The following NUTM2B variants were observed in gnomAD, a reference collection of about 807,000 sequenced individuals.
NUTM2B encodes family with sequence similarity 22, member B.
In NUTM2B, 2 loss-of-function variants were observed where a neutral mutation model predicts 42.4. That is an observed-to-expected ratio of 0.05 (90% confidence interval 0.02 to 0.15). NUTM2B has a LOEUF of 0.15. Among genes scored for constraint, NUTM2B ranks in the 10% least tolerant of loss-of-function variants. NUTM2B has a pLI of 1.00. For synonymous variants in NUTM2B, 18 were observed against 402.4 expected (o/e 0.04, Z 11.43); for missense variants, 58 against 952.6 (o/e 0.06, Z 12.36).
upstream of NUTM2B, among the ~76,000 whole-genome samples, chr10:79,699,807 A>G (rs553553516): frequency 8.8e-3 from 1,338 of 152,266 alleles, 5 homozygotes; most frequent in Middle Eastern, 0.02. Context: ...ATGTGAATAC[A>G]TATTAGATTC....
At chr10:79,692,393 A>G in the NUTM2B span, among the ~76,000 whole-genome samples, 2 of 152,126 alleles carry the variant, frequency 1.3e-5, no homozygotes, top group African/African-American at 4.8e-5. Context: ...AGAGAGGTTA[A>G]AATACTTGCC....
the NUTM2B span, among the ~76,000 whole-genome samples, chr10:79,696,366 C>A: frequency 6.6e-6 from 1 of 152,016 alleles, no homozygotes; most frequent in Admixed American, 6.5e-5. Flanking sequence ...AGCACAGCCA[C>A]ATCCTTTCAT....
the NUTM2B span, among the ~76,000 whole-genome samples, chr10:79,692,454 C>T: frequency 6.6e-6 from 1 of 152,192 alleles, no homozygotes; most frequent in African/African-American, 2.4e-5. Context: ...TTTGAGCCAG[C>T]AGTCTGGCTC....
rs1840375593 is a variant in NUTM2B at position 79,705,618 on chromosome 10, T to G, written c.383-424T>G. Among the ~76,000 whole-genome samples, 4 of 145,968 alleles carry G rather than the reference T, an allele frequency of 2.7e-5. No individual in the cohort carries two copies. In the South Asian group the frequency reaches 9.7e-4, roughly 35 times the overall value. ...AGATGGGGCCATAATATTCGGAAGC[T>G]TCTGGCTTCCTGTCGGCCTTCTGAG... On this transcript the variant is annotated intron_variant, in intron 1 of 6. Transcript: ENST00000429828.
chr10:79,699,906 C>T (rs1165417957), upstream of NUTM2B, among the ~76,000 whole-genome samples: 2 of 152,226 alleles, frequency 1.3e-5, no homozygotes, highest in Non-Finnish European at 2.9e-5. Context: ...AAATCTCACA[C>T]CCTCCAAAAT....
At chr10:79,692,229 G>A in the NUTM2B span, among the ~76,000 whole-genome samples, 2 of 152,192 alleles carry the variant, frequency 1.3e-5, no homozygotes, top group Admixed American at 1.3e-4. Context: ...TGTTCCGTAT[G>A]GACTAGTAAT....
chr10:79,701,469 T>A (rs1454661589), upstream of NUTM2B, among the ~76,000 whole-genome samples: 3 of 152,166 alleles, frequency 2.0e-5, no homozygotes, highest in African/African-American at 7.2e-5. Flanking sequence ...GAAGAAACTT[T>A]AATCGTCACA....
chr10:79,711,576 CTT>C lies in NUTM2B; in HGVS notation c.1852-122_1852-121del, dbSNP rs1840497141. 6 of 976,670 alleles carry C rather than the reference CTT, an allele frequency of 6.1e-6. No homozygotes were observed. The East Asian group carries it at 1.1e-4, about 17-fold the overall frequency. 60.5% of individuals were successfully genotyped at this position (976,670 alleles called of 1,614,324 possible). A position where few individuals can be genotyped will look rare whatever the true frequency, so the allele number is the denominator to read the frequency against. ...GGCCCGGCAGAGCCACACCCTCTCT[CTT>C]TGACATAAAGCCCAGCTGCCTCAGG... On this transcript the variant is annotated intron_variant, in intron 6 of 6. Transcript: ENST00000429828.
chr10:79,699,385 CAT>C (rs1220865847), upstream of NUTM2B, among the ~76,000 whole-genome samples: 16 of 151,942 alleles, frequency 1.1e-4, no homozygotes, highest in African/African-American at 3.9e-4. Context: ...TCTTACATCT[CAT>C]ATTCTCCAAA....
chr10:79,707,225 G>A (rs1349060900), intron 2 of NUTM2B, among the ~76,000 whole-genome samples: 2 of 133,044 alleles, frequency 1.5e-5, no homozygotes, highest in Non-Finnish European at 3.2e-5. Flanking sequence ...AGCCTGCATA[G>A]GGGGATGGTC....
the NUTM2B span, among the ~76,000 whole-genome samples, chr10:79,693,844 T>C: frequency 6.6e-6 from 1 of 152,208 alleles, no homozygotes; most frequent in African/African-American, 2.4e-5. Context: ...AATCCATTTG[T>C]ACCACAGGGA....
At chr10:79,701,577 G>C (rs555800189), upstream of NUTM2B, among the ~76,000 whole-genome samples, 120 of 151,870 alleles carry the variant, frequency 7.9e-4, no homozygotes, top group African/African-American at 2.8e-3. Flanking sequence ...CAAGTGCAGA[G>C]TCTGAGAGCT....
chr10:79,696,211 G>A, the NUTM2B span, among the ~76,000 whole-genome samples: 1 of 149,182 alleles, frequency 6.7e-6, no homozygotes, highest in African/African-American at 2.5e-5. Flanking sequence ...GGGGGAAATA[G>A]GAAAGCCTAG....
chr10:79,709,813 G>A, exon 4 of NUTM2B: 1 of 1,042,236 alleles, frequency 9.6e-7, no homozygotes, highest in Non-Finnish European at 1.2e-6. Context: ...CCTGGAGTTT[G>A]AGGCTGAGGA....
chr10:79,696,590 G>A, the NUTM2B span, among the ~76,000 whole-genome samples: 3 of 152,062 alleles, frequency 2.0e-5, no homozygotes, highest in African/African-American at 7.2e-5. Context: ...CCATCCGACA[G>A]TGCACAAGGA....
exon 4 of NUTM2B, chr10:79,709,827 G>C: frequency 9.7e-7 from 1 of 1,035,342 alleles, no homozygotes; most frequent in Non-Finnish European, 1.3e-6. Flanking sequence ...CTGAGGAGGA[G>C]ATGCAGATTC....
At chr10:79,711,909 A>G in exon 7 of NUTM2B, 1 of 1,537,496 alleles carries the variant, frequency 6.5e-7, no homozygotes, top group Non-Finnish European at 8.8e-7. Context: ...GAGGCAGAGC[A>G]CACACTGGCA....
upstream of NUTM2B, among the ~76,000 whole-genome samples, chr10:79,702,301 G>A (rs187971670): frequency 1.1e-4 from 17 of 152,076 alleles, no homozygotes; most frequent in East Asian, 3.3e-3. Flanking sequence ...CTGCATGGAG[G>A]TCACTCCCCT....
At chr10:79,700,450 G>C (rs576917336), upstream of NUTM2B, among the ~76,000 whole-genome samples, 22 of 152,396 alleles carry the variant, frequency 1.4e-4, no homozygotes, top group Middle Eastern at 3.4e-3. Flanking sequence ...CCTCACTTCA[G>C]GGCCAGGTGA....
Sources: allele counts gnomAD v4.1 joint callset (sites outside exome capture counted in the v4.1 genomes callset), GRCh38; gene constraint gnomAD v4.1.1; transcripts MANE v1.5; gene names NCBI Gene and HGNC (gene_info 2026-07-23, HGNC 2026-07-21).